The following CAMTA1 variants were observed in gnomAD, a reference collection of about 807,000 sequenced individuals.
CAMTA1 encodes calmodulin binding transcription activator 1, also known as calmodulin-binding transcription activator 1.
In CAMTA1, 27 loss-of-function variants were observed where a neutral mutation model predicts 170.9. The observed-to-expected ratio is 0.16, with a 90% CI of 0.12 to 0.22. CAMTA1 has a LOEUF of 0.22. Among genes scored for constraint, CAMTA1 ranks in the 10% least tolerant of loss-of-function variants. CAMTA1 has a pLI of 1.00. For missense variants in CAMTA1, 1,619 were observed against 2,217.2 expected, an observed-to-expected ratio of 0.73 and a Z score of 5.42; for synonymous variants, 833 against 891.5, an observed-to-expected ratio of 0.93 and a Z score of 1.17.
chr1:7,754,829 A>G (rs1242006880), intron 21 of CAMTA1, among the ~76,000 whole-genome samples: 2 of 152,212 alleles, frequency 1.3e-5, no homozygotes, highest in Non-Finnish European at 2.9e-5. Context: ...TAAGATCAGT[A>G]TTCACTTCCC....
At position 7,736,387 on chromosome 1, in the gene CAMTA1, G is replaced by A. The variant is rs762417443; in HGVS notation, c.3110G>A (p.Arg1037His). The A allele has an allele frequency of 2.2e-5, 36 of 1,613,996 alleles. No individual in the cohort carries two copies. Among genetic ancestry groups the A allele is most frequent in the African/African-American group, 5.3e-5 (4 of 74,896 alleles). ...TGALGSCFES[R>H]VVVVCEKMMS... ...GCCTTGGGGAGCTGCTTTGAGAGCC[G>A]TGTGGTCGTGGTATGCGAGAAGATG... Residue 1037 changes from arginine to histidine, a missense_variant, in exon 13 of 23, where the codon CGT (arginine) becomes CAT (histidine). Coordinates refer to ENST00000303635, the MANE Select transcript of CAMTA1 (RefSeq NM_015215.4). This position sits in a 1 kb window ranked among gnomAD's most constrained non-coding sequence, Gnocchi z 4.5.
chr1:7,067,069 A>G lies in CAMTA1; in HGVS notation c.235-24235A>G, dbSNP rs1358425202. Among the ~76,000 whole-genome samples the G allele has an allele frequency of 6.6e-6, 1 of 152,174 alleles. No homozygotes were observed. The highest frequency in any genetic ancestry group is 2.4e-5 in the African/African-American group (1 of 41,458). ...TATTAAGATGTGGTGAAAGGTAGAC[A>G]CCTTCCCTGTGCTTGGAATGCCCCA... On this transcript the variant is annotated intron_variant, in intron 3 of 22. Transcript: ENST00000303635. The surrounding 1 kb of genome is among the most constrained non-coding windows in gnomAD (Gnocchi z 4.3).
At chr1:7,433,073 G>C (rs1024610463) in intron 5 of CAMTA1, among the ~76,000 whole-genome samples, 2 of 152,242 alleles carry the variant, frequency 1.3e-5, no homozygotes, top group East Asian at 1.9e-4. Flanking sequence ...CAGTCCCCAT[G>C]GCTGAAGGGT....
chr1:6,869,643 T>C (rs922447056), intron 3 of CAMTA1, among the ~76,000 whole-genome samples: 3 of 152,206 alleles, frequency 2.0e-5, no homozygotes, highest in Admixed American at 6.5e-5. Context: ...AGCAAACTCA[T>C]GTAGAAAACA....
At chr1:7,627,680 T>C (rs2095642547) in intron 6 of CAMTA1, among the ~76,000 whole-genome samples, 1 of 152,216 alleles carries the variant, frequency 6.6e-6, no homozygotes. Context: ...TCTACCACTC[T>C]GCTTCCTCAG....
chr1:7,058,979 C>T (rs1707804101), intron 3 of CAMTA1, among the ~76,000 whole-genome samples: 4 of 152,132 alleles, frequency 2.6e-5, no homozygotes, highest in Admixed American at 2.6e-4. Context: ...TAGTGAAAAA[C>T]CCACAGACCT....
intron 5 of CAMTA1, among the ~76,000 whole-genome samples, chr1:7,292,595 G>A (rs185925634): frequency 3.9e-5 from 6 of 152,174 alleles, no homozygotes; most frequent in Admixed American, 2.0e-4. Context: ...CCCACTCTCC[G>A]TACTCAGGAG....
In CAMTA1 at chr1:7,633,505, G is replaced by A. The variant is rs2095686663; in HGVS notation, c.511-6895G>A. 1.3e-5 allele frequency among the ~76,000 whole-genome samples: 2 copies of A among 152,130 alleles called. No individual in the cohort carries two copies. The highest frequency in any genetic ancestry group is 4.1e-4 in the South Asian group (2 of 4,828). On this transcript the variant is annotated intron_variant, in intron 6 of 22. Coordinates refer to ENST00000303635, the MANE Select transcript of CAMTA1 (RefSeq NM_015215.4). This position sits in a 1 kb window ranked among gnomAD's most constrained non-coding sequence, Gnocchi z 4.1. Reference sequence around the variant, plus strand: ...ACACCGACTCCTTCCCCGCACCCTAGTCTCTGTCTGTCCCTCTAGAAGACA... The same window carrying A: ...ACACCGACTCCTTCCCCGCACCCTAATCTCTGTCTGTCCCTCTAGAAGACA...
At chr1:7,177,038 C>T (rs1397217710) in intron 4 of CAMTA1, among the ~76,000 whole-genome samples, 1 of 151,990 alleles carries the variant, frequency 6.6e-6, no homozygotes, top group African/African-American at 2.4e-5. Context: ...TAGACCATGC[C>T]CCCTCCCCTC....
chr1:7,499,575 G>A (rs1267860376), intron 6 of CAMTA1, among the ~76,000 whole-genome samples: 1 of 146,752 alleles, frequency 6.8e-6, no homozygotes, highest in Non-Finnish European at 1.5e-5. Context: ...AGAGGATGGT[G>A]TGAGCCTGGC....
rs1464244162 is a variant in CAMTA1 at position 7,248,243 on chromosome 1, G to T, written c.303-1248G>T. Among the ~76,000 whole-genome samples, 1 of 152,182 alleles carries T rather than the reference G, an allele frequency of 6.6e-6. No individual in the cohort carries two copies. Among genetic ancestry groups the T allele is most frequent in the Non-Finnish European group, 1.5e-5 (1 of 68,034 alleles). ...CCCATTGTTCGTAGCAAGAAGAAAA[G>T]AAAGGCGCTGGAGGGTCTTGCCCCA... On this transcript the variant is annotated intron_variant, in intron 4 of 22. Transcript: ENST00000303635. The surrounding 1 kb of genome is among the most constrained non-coding windows in gnomAD (Gnocchi z 4.0).
chr1:7,023,960 T>C (rs58536614), intron 3 of CAMTA1, among the ~76,000 whole-genome samples: 48,180 of 145,544 alleles, frequency 0.33, 8,529 homozygotes, highest in African/African-American at 0.48. Flanking sequence ...TCTGGCGGGG[T>C]GGAGCTTGCA....
chr1:7,724,846 G>A (rs925733876), intron 11 of CAMTA1, among the ~76,000 whole-genome samples: 1 of 149,690 alleles, frequency 6.7e-6, no homozygotes, highest in Non-Finnish European at 1.5e-5. Context: ...AAGATCGCAT[G>A]TATTAGTTTA....
At chr1:7,652,455 G>A (rs1038183119) in intron 7 of CAMTA1, among the ~76,000 whole-genome samples, 3 of 152,146 alleles carry the variant, frequency 2.0e-5, no homozygotes, top group South Asian at 2.1e-4. Flanking sequence ...ACCTGACCCC[G>A]AAGTGAGGAA....
intron 6 of CAMTA1, among the ~76,000 whole-genome samples, chr1:7,589,004 G>A (rs963352320): frequency 6.6e-5 from 10 of 152,150 alleles, no homozygotes; most frequent in South Asian, 4.1e-4. Context: ...AGAATTTTGC[G>A]CAGCCAGAAA....
At chr1:7,467,693 C>T (rs766188600) in intron 5 of CAMTA1, 137 bp from the exon 6 acceptor site, 40 of 809,228 alleles carry the variant, frequency 4.9e-5, no homozygotes, top group Middle Eastern at 2.2e-4. Flanking sequence ...TGGAGCCAGA[C>T]GCAGAGGTGC....
At chr1:6,830,409 T>A (rs1362089102) in intron 3 of CAMTA1, among the ~76,000 whole-genome samples, 1 of 150,032 alleles carries the variant, frequency 6.7e-6, no homozygotes, top group Admixed American at 6.7e-5. Flanking sequence ...AATGACGTGA[T>A]CTCAGCTCAC....
At chr1:7,450,210 G>A (rs1417496402) in intron 5 of CAMTA1, among the ~76,000 whole-genome samples, 1 of 152,192 alleles carries the variant, frequency 6.6e-6, no homozygotes, top group East Asian at 1.9e-4. Context: ...TCCTGAAAGA[G>A]GATGTGCTAA....
intron 6 of CAMTA1, among the ~76,000 whole-genome samples, chr1:7,493,517 G>A (rs149071182): frequency 1.0e-3 from 157 of 152,098 alleles, no homozygotes; most frequent in African/African-American, 3.5e-3. Flanking sequence ...ACACACACGC[G>A]CAGGGGCACA....
Sources: allele counts gnomAD v4.1 joint callset (sites outside exome capture counted in the v4.1 genomes callset), GRCh38; gene constraint gnomAD v4.1.1; non-coding constraint Gnocchi (gnomAD v3.1); transcripts MANE v1.5; gene names NCBI Gene and HGNC (gene_info 2026-07-23, HGNC 2026-07-21).